The following SORCS2 variants were observed in gnomAD, a reference collection of about 807,000 sequenced individuals.
SORCS2 encodes the protein VPS10 domain-containing receptor SorCS2.
Under a neutral mutation model 141.6 loss-of-function variants are expected in SORCS2, and 100 were observed. The observed-to-expected ratio is 0.71, with a 90% CI of 0.60 to 0.83. The LOEUF (loss-of-function observed/expected upper bound fraction) is 0.83, where lower values mean the gene tolerates loss of function less well. Among genes scored for constraint, SORCS2 ranks in the 40% least tolerant of loss-of-function variants. The pLI, the probability that SORCS2 is intolerant of heterozygous loss-of-function variation, is 0.00. For synonymous variants in SORCS2, 789 were observed against 676.9 expected, an observed-to-expected ratio of 1.17 and a Z score of -2.57; for missense variants, 1,646 against 1,560.2, an observed-to-expected ratio of 1.05 and a Z score of -0.93.
At chr4:7,324,123 G>T (rs1271615205) in intron 1 of SORCS2, among the ~76,000 whole-genome samples, 1 of 152,216 alleles carries the variant, frequency 6.6e-6, no homozygotes, top group East Asian at 1.9e-4. Context: ...GCGGGGCTGG[G>T]ATTCAAACCC....
chr4:7,355,366 G>A (rs145145941), intron 1 of SORCS2, among the ~76,000 whole-genome samples: 25 of 152,264 alleles, frequency 1.6e-4, no homozygotes, highest in African/African-American at 5.8e-4. Context: ...AAATACTTCT[G>A]ATACACAACC....
rs144886647 is a variant in SORCS2, at chr4:7,530,195, G to A, written c.549-1335G>A. On this transcript the variant is annotated intron_variant, in intron 2 of 26. Coordinates refer to ENST00000507866, the MANE Select transcript of SORCS2 (RefSeq NM_020777.3). ...GTGAAATAGCTCCCAGTGGGGTGGG[G>A]CCTTTATGCTAAAGCAGCTCCAGGC... Among the ~76,000 whole-genome samples, 1,206 of 152,338 alleles carry A rather than the reference G, an allele frequency of 7.9e-3. 8 individuals are homozygous for A. The highest frequency in any genetic ancestry group is 0.013 in the Non-Finnish European group (905 of 68,026).
chr4:7,672,195 A>G (rs1446844687), intron 8 of SORCS2, among the ~76,000 whole-genome samples: 1 of 152,188 alleles, frequency 6.6e-6, no homozygotes, highest in Non-Finnish European at 1.5e-5. Flanking sequence ...CACCTGCCTC[A>G]GCCTCCCAAA....
chr4:7,371,740 G>A (rs1268492881), intron 1 of SORCS2, among the ~76,000 whole-genome samples: 1 of 152,202 alleles, frequency 6.6e-6, no homozygotes, highest in African/African-American at 2.4e-5. Context: ...CCACGTGGAG[G>A]CGGGTGTGTG....
intron 3 of SORCS2, among the ~76,000 whole-genome samples, chr4:7,559,013 C>T (rs1219720162): frequency 1.3e-5 from 2 of 152,218 alleles, no homozygotes; most frequent in African/African-American, 2.4e-5. Context: ...CATTCCTGGT[C>T]TTCTCTGTGT....
At chr4:7,434,393 C>G (rs1346488699) in intron 2 of SORCS2, 8 of 1,607,218 alleles carry the variant, frequency 5.0e-6, no homozygotes, top group Non-Finnish European at 6.8e-6. Context: ...ATGAACGGAG[C>G]CACAGCCTCA....
At chr4:7,314,829 T>TTTTTTTTG (rs1560185676) in intron 1 of SORCS2, among the ~76,000 whole-genome samples, 2 of 116,514 alleles carry the variant, frequency 1.7e-5, no homozygotes, top group African/African-American at 7.1e-5. Flanking sequence ...TTTTTTTTTT[T>TTTTTTTTG]ATTGTTGTTG....
chr4:7,562,434 C>T (rs192841568), intron 3 of SORCS2, among the ~76,000 whole-genome samples: 32 of 152,042 alleles, frequency 2.1e-4, no homozygotes, highest in Non-Finnish European at 4.0e-4. Flanking sequence ...AGGCTGTGAA[C>T]GCTGGGATAG....
At chr4:7,507,868 T>A (rs971195972) in intron 2 of SORCS2, among the ~76,000 whole-genome samples, 2 of 152,148 alleles carry the variant, frequency 1.3e-5, no homozygotes, top group African/African-American at 2.4e-5. Flanking sequence ...GACATAAAAA[T>A]TTTAAAAATC....
intron 2 of SORCS2, among the ~76,000 whole-genome samples, chr4:7,446,251 G>A (rs149583538): frequency 1.8e-4 from 28 of 152,224 alleles, no homozygotes; most frequent in South Asian, 1.0e-3. Context: ...CTCTGATGTC[G>A]CACAGTGAGT....
At chr4:7,296,673 C>A (rs1416540743) in intron 1 of SORCS2, among the ~76,000 whole-genome samples, 1 of 152,218 alleles carries the variant, frequency 6.6e-6, no homozygotes. Flanking sequence ...ATCGGAGTAG[C>A]CCCAGCCACT....
At chr4:7,228,242 C>T (rs898967253) in intron 1 of SORCS2, among the ~76,000 whole-genome samples, 3 of 152,210 alleles carry the variant, frequency 2.0e-5, no homozygotes, top group African/African-American at 7.2e-5. Context: ...TGTGAAGATA[C>T]CAGTCACGTT....
intron 11 of SORCS2, among the ~76,000 whole-genome samples, chr4:7,693,303 C>T (rs972056431): frequency 3.3e-5 from 5 of 152,360 alleles, no homozygotes; most frequent in South Asian, 2.1e-4. Context: ...TCCACACCTT[C>T]GGGGATCCCA....
chr4:7,587,292 C>A (rs559760488), intron 3 of SORCS2, among the ~76,000 whole-genome samples: 1 of 152,192 alleles, frequency 6.6e-6, no homozygotes, highest in Non-Finnish European at 1.5e-5. Flanking sequence ...AGCCTGGCTG[C>A]CACTCTGCTC....
At chr4:7,445,213 G>T (rs10012807) in intron 2 of SORCS2, among the ~76,000 whole-genome samples, 34,946 of 151,976 alleles carry the variant, frequency 0.23, 5,026 homozygotes, top group African/African-American at 0.42. Flanking sequence ...GCCTGCAGAG[G>T]CACCCTTGCA....
chr4:7,207,483 G>T (rs956895854), intron 1 of SORCS2, among the ~76,000 whole-genome samples: 2 of 152,210 alleles, frequency 1.3e-5, no homozygotes, highest in Non-Finnish European at 2.9e-5. Flanking sequence ...GAGGCGGGCA[G>T]GTTCAGTGGG....
chr4:7,552,542 A>G (rs936792917), intron 3 of SORCS2, among the ~76,000 whole-genome samples: 5 of 143,234 alleles, frequency 3.5e-5, no homozygotes, highest in African/African-American at 1.3e-4. Context: ...ACAGCCAGAA[A>G]CAAAGAGAGA....
At chr4:7,447,106 G>C (rs1560291267) in intron 2 of SORCS2, among the ~76,000 whole-genome samples, 1 of 152,214 alleles carries the variant, frequency 6.6e-6, no homozygotes, top group Non-Finnish European at 1.5e-5. Flanking sequence ...AAAGGACCCC[G>C]TGTGCTCAGT....
intron 1 of SORCS2, among the ~76,000 whole-genome samples, chr4:7,257,683 C>T (rs555076787): frequency 9.1e-4 from 139 of 152,314 alleles, no homozygotes; most frequent in African/African-American, 3.2e-3. Context: ...GAGAAGTGCA[C>T]ATGTGGGAAG....
Sources: allele counts gnomAD v4.1 joint callset (sites outside exome capture counted in the v4.1 genomes callset), GRCh38; gene constraint gnomAD v4.1.1; transcripts MANE v1.5; gene names NCBI Gene and HGNC (gene_info 2026-07-23, HGNC 2026-07-21).